The following PTK2 variants were observed in gnomAD, a reference collection of about 807,000 sequenced individuals.
The protein encoded by PTK2 is protein tyrosine kinase 2.
PTK2 carries 45 observed loss-of-function variants against 150.1 expected under a neutral mutation model. The observed-to-expected ratio is 0.30, with a 90% CI of 0.24 to 0.38. The LOEUF is 0.38. Among genes scored for constraint, PTK2 ranks in the 10% least tolerant of loss-of-function variants. PTK2 has a pLI of 1.00. For synonymous variants in PTK2, 432 were observed against 449.2 expected, an observed-to-expected ratio of 0.96 and a Z score of 0.48; for missense variants, 919 against 1,307.3, an observed-to-expected ratio of 0.70 and a Z score of 4.58.
intron 1 of PTK2, among the ~76,000 whole-genome samples, chr8:140,936,070 G>A (rs978059360): frequency 5.3e-5 from 8 of 152,114 alleles, no homozygotes; most frequent in Admixed American, 5.2e-4. Context: ...CGGCTACTCA[G>A]GAGGCTGAGA....
At chr8:140,730,038 A>G (rs1179956940) in intron 22 of PTK2, among the ~76,000 whole-genome samples, 1 of 152,248 alleles carries the variant, frequency 6.6e-6, no homozygotes, top group Admixed American at 6.5e-5. Flanking sequence ...TGTTATAACT[A>G]GAAGAGCTAA....
chr8:140,704,386 G>A (rs1274583700), intron 24 of PTK2, among the ~76,000 whole-genome samples: 1 of 152,092 alleles, frequency 6.6e-6, no homozygotes, highest in African/African-American at 2.4e-5. Flanking sequence ...TTTACACACC[G>A]TTCTAAGCCC....
intron 1 of PTK2, among the ~76,000 whole-genome samples, chr8:140,958,151 T>G (rs1270146044): frequency 6.6e-6 from 1 of 152,138 alleles, no homozygotes; most frequent in Non-Finnish European, 1.5e-5. Context: ...TAATTTTTTG[T>G]TTTTGAGATA....
chr8:140,982,295 G>A (rs764778438), intron 1 of PTK2, among the ~76,000 whole-genome samples: 3 of 152,196 alleles, frequency 2.0e-5, no homozygotes, highest in African/African-American at 7.2e-5. Context: ...GATACACACT[G>A]CATCATTAAG....
chr8:140,927,958 G>GAAAAAAAAAAAAAAAAAAA (rs57931737), intron 1 of PTK2, among the ~76,000 whole-genome samples: 10 of 63,632 alleles, frequency 1.6e-4, no homozygotes, highest in African/African-American at 3.9e-4. Context: ...AAAAAAAAAA[G>GAAAAAAAAAAAAAAAAAAA]AAAAAAAAAA....
intron 20 of PTK2, among the ~76,000 whole-genome samples, chr8:140,741,777 A>C (rs2100055851): frequency 6.6e-6 from 1 of 152,190 alleles, no homozygotes; most frequent in South Asian, 2.1e-4. Flanking sequence ...AATTTGAAGA[A>C]CCAATTCAAT....
chr8:140,805,370 C>G (rs1189317265), intron 10 of PTK2, among the ~76,000 whole-genome samples: 2 of 151,890 alleles, frequency 1.3e-5, no homozygotes, highest in African/African-American at 4.8e-5. Context: ...ACCACCCTGG[C>G]CAACATGGTG....
intron 7 of PTK2, among the ~76,000 whole-genome samples, chr8:140,843,529 G>C (rs1352725793): frequency 1.3e-5 from 2 of 151,600 alleles, no homozygotes; most frequent in African/African-American, 4.8e-5. Context: ...GGCTTCCACA[G>C]TGACCCTGAA....
At chr8:140,832,760 A>G in intron 7 of PTK2, 1 of 505,014 alleles carries the variant, frequency 2.0e-6, no homozygotes, top group Non-Finnish European at 4.0e-6. Context: ...GAGAACAGAA[A>G]GGTGGGTGGG....
At chr8:140,753,027 C>A (rs973809395) in intron 16 of PTK2, among the ~76,000 whole-genome samples, 3 of 152,122 alleles carry the variant, frequency 2.0e-5, no homozygotes, top group African/African-American at 7.2e-5. Flanking sequence ...AAATGGAGAG[C>A]CAAGGTAGGG....
chr8:140,912,039 C>T (rs1342998121), intron 2 of PTK2, among the ~76,000 whole-genome samples: 1 of 151,932 alleles, frequency 6.6e-6, no homozygotes, highest in Non-Finnish European at 1.5e-5. Flanking sequence ...TCAAGAACAG[C>T]CTAGGCAACA....
intron 27 of PTK2, among the ~76,000 whole-genome samples, chr8:140,676,937 C>T (rs2100014241): frequency 1.2e-5 from 1 of 81,204 alleles, no homozygotes; most frequent in Admixed American, 1.4e-4. Context: ...GAGGGAGACT[C>T]CATCTCAAAA....
In PTK2 at chr8:140,782,254, T is replaced by TTG. The variant is rs567880304; in HGVS notation, c.1177+7219_1177+7220insCA. On this transcript the variant is annotated intron_variant, in intron 14 of 31. Transcript: ENST00000522684. ...TTTAAAATTTGGTTGTTTTTTTTTT[T>TTG]GGGGGGGGGGACAGGGTCCTCTCTT... is the stretch of plus-strand genomic sequence containing the variant. Among the ~76,000 whole-genome samples, 413 of 138,106 alleles carry TTG rather than the reference T, an allele frequency of 3.0e-3. 6 individuals carry two copies. Among genetic ancestry groups the TTG allele is most frequent in the East Asian group, 0.015 (70 of 4,658 alleles). 90.6% of individuals were successfully genotyped at this position (138,106 alleles called of 152,430 possible).
intron 26 of PTK2, among the ~76,000 whole-genome samples, chr8:140,692,291 GAGCAATAC>G (rs1341152738): frequency 6.6e-6 from 1 of 152,144 alleles, no homozygotes; most frequent in African/African-American, 2.4e-5. Context: ...GGGAACTGAA[GAGCAATAC>G]AGCCAAAGAC....
At chr8:140,911,705 C>T (rs964704041) in intron 2 of PTK2, among the ~76,000 whole-genome samples, 4 of 151,184 alleles carry the variant, frequency 2.6e-5, no homozygotes, top group African/African-American at 9.7e-5. Flanking sequence ...ATTAATACTA[C>T]CCCACCGAAA....
chr8:140,664,796 G>T, intron 31 of PTK2, 121 bp downstream of exon 35: 1 of 948,658 alleles, frequency 1.1e-6, no homozygotes, highest in East Asian at 2.6e-5. Context: ...ATCGCTTGTA[G>T]GGCAGTTGAT....
At chr8:140,662,244 C>T (rs1032291210) in intron 31 of PTK2, among the ~76,000 whole-genome samples, 9 of 151,638 alleles carry the variant, frequency 5.9e-5, no homozygotes, top group Admixed American at 5.9e-4. Context: ...TTATAGTGAG[C>T]TGTGATGGAG....
chr8:140,995,652 A>C (rs1337650410), intron 1 of PTK2, among the ~76,000 whole-genome samples: 1 of 151,758 alleles, frequency 6.6e-6, no homozygotes, highest in East Asian at 1.9e-4. Context: ...AAAAACAAAC[A>C]AACAAAAGTA....
intron 26 of PTK2, among the ~76,000 whole-genome samples, chr8:140,697,406 A>G (rs2100027321): frequency 6.8e-6 from 1 of 146,034 alleles, no homozygotes; most frequent in African/African-American, 2.6e-5. Context: ...GGAAGTTCTT[A>G]GAATACGGTT....
Sources: gnomAD v4.1 joint callset for allele counts (sites outside exome capture counted in the v4.1 genomes callset) on GRCh38, gnomAD v4.1.1 for gene constraint, MANE v1.5 for transcripts, NCBI Gene and HGNC (gene_info 2026-07-23, HGNC 2026-07-21) for gene names.